The following F5 variants were observed in gnomAD, a reference collection of about 807,000 sequenced individuals.
F5 encodes activated protein c cofactor.
F5 carries 138 observed loss-of-function variants against 216.4 expected under a neutral mutation model. The observed-to-expected ratio is 0.64, with a 90% confidence interval of 0.56 to 0.73. The LOEUF is 0.73. Ranked by LOEUF, F5 falls within the 30% of genes least tolerant of loss-of-function variation. The pLI, the probability that F5 is intolerant of heterozygous loss-of-function variation, is 0.00. For missense variants in F5, 2,403 were observed against 2,674.0 expected, an observed-to-expected ratio of 0.90 and a Z score of 2.24; for synonymous variants, 916 against 930.7, an observed-to-expected ratio of 0.98 and a Z score of 0.29.
Position 169,550,647 on chromosome 1 carries a change from G to A in F5, c.1389C>T (p.Phe463=). The A allele has an allele frequency of 1.2e-6, 2 of 1,612,404 alleles. No individual in the cohort carries two copies. The highest frequency in any genetic ancestry group is 8.5e-7 in the Non-Finnish European group (1 of 1,178,454). ...SPYEDEVNSS[F]TSGRNNTMIR... ...GAAGTGAAAGATTCAAACCTGAGGT[G>A]AAAGAAGAGTTGACTTCATCTTCAT... Residue 463 remains phenylalanine, a synonymous_variant, in exon 9 of 25, where the codon TTC becomes TTT. Coordinates refer to ENST00000367797, the MANE Select transcript of F5 (RefSeq NM_000130.5).
At chr1:169,521,118 C>T (rs1424584642) in intron 21 of F5, among the ~76,000 whole-genome samples, 6 of 152,128 alleles carry the variant, frequency 3.9e-5, no homozygotes, top group Non-Finnish European at 7.4e-5. Flanking sequence ...GGCAGCATAG[C>T]GAGATATGAT....
At chr1:169,573,939 C>T (rs934360225) in intron 2 of F5, among the ~76,000 whole-genome samples, 1 of 152,066 alleles carries the variant, frequency 6.6e-6, no homozygotes, top group African/African-American at 2.4e-5. Flanking sequence ...CATGGTTACA[C>T]ATCCATGGAG....
intron 3 of F5, among the ~76,000 whole-genome samples, chr1:169,562,867 T>C (rs1660513541): frequency 6.6e-6 from 1 of 151,998 alleles, no homozygotes; most frequent in Non-Finnish European, 1.5e-5. Flanking sequence ...TTTTAATAGA[T>C]TAAAACGAGG....
At chr1:169,530,638 T>C in intron 15 of F5, 148 bp downstream of exon 15, 3 of 743,286 alleles carry the variant, frequency 4.0e-6, no homozygotes, top group Non-Finnish European at 7.2e-6. Flanking sequence ...CTGGTTATGA[T>C]AAATGCAGAC....
At chr1:169,546,628 CAG>C in intron 10 of F5, 36 bp from the exon 11 acceptor site, 1 of 1,587,674 alleles carries the variant, frequency 6.3e-7, no homozygotes, top group African/African-American at 1.3e-5. Context: ...GGTACAAGAA[CAG>C]ACGCATAGAC....
chr1:169,582,418 A>C lies in F5; in HGVS notation c.250+13T>G. On this transcript the variant is annotated intron_variant, in intron 2 of 24. Coordinates refer to ENST00000367797, the MANE Select transcript of F5 (RefSeq NM_000130.5). ...TTTATCTTTAAAATTAAAAAAGTAT[A>C]TTTCAGGCTTACCTGAAATGGTAGA... 7.1e-7 allele frequency: 1 copy of C among 1,414,640 alleles called. No homozygotes were observed. Among genetic ancestry groups the C allele is most frequent in the South Asian group, 1.2e-5 (1 of 82,158 alleles). 87.6% of individuals were successfully genotyped at this position (1,414,640 alleles called of 1,614,324 possible).
At position 169,524,584 on chromosome 1, in the gene F5, A is replaced by T. The variant is rs142282880; in HGVS notation, c.5788+253T>A. On this transcript the variant is annotated intron_variant, in intron 19 of 24. Coordinates refer to ENST00000367797, the MANE Select transcript of F5 (RefSeq NM_000130.5). ...CAGCTATCGGTTTTTCCTGGAAAAG[A>T]CTCTTTGGGATCATTATACACCAGA... Among the ~76,000 whole-genome samples, 203 of 152,096 alleles carry T rather than the reference A, an allele frequency of 1.3e-3. No homozygotes were observed. In the Middle Eastern group the frequency reaches 0.014, roughly 10 times the overall value.
intron 21 of F5, among the ~76,000 whole-genome samples, chr1:169,521,994 CA>C (rs1659321564): frequency 6.6e-6 from 1 of 151,924 alleles, no homozygotes; most frequent in Non-Finnish European, 1.5e-5. Flanking sequence ...ATGACAATAT[CA>C]GAGATGAAAC....
In F5 at chr1:169,541,763, A is replaced by G. The variant is rs945327359; in HGVS notation, c.3327T>C (p.Gly1109=). The G allele has an allele frequency of 6.2e-7, 1 of 1,614,048 alleles. No individual in the cohort carries two copies. Among genetic ancestry groups the G allele is most frequent in the South Asian group, 1.1e-5 (1 of 91,084 alleles). ...DHNQNSSNDT[G]QASCPPGLYQ... ...AAAGACCTGGAGGACAGCTTGCCTGACCAGTGTCATTTGAGGAATTCTGAT... is the reference window on the plus strand; with the variant it reads ...AAAGACCTGGAGGACAGCTTGCCTGGCCAGTGTCATTTGAGGAATTCTGAT... The change falls in exon 13 of 25, where the codon GGT becomes GGC. Residue 1109 remains glycine, a synonymous_variant. Coordinates refer to ENST00000367797, the MANE Select transcript of F5 (RefSeq NM_000130.5).
In F5 at chr1:169,513,482, C is replaced by CTT. The variant is rs563251782; in HGVS notation, c.*829_*830dup. Among the ~76,000 whole-genome samples, 1 of 152,128 alleles carries CTT rather than the reference C, an allele frequency of 6.6e-6. No homozygotes were observed. Among genetic ancestry groups the CTT allele is most frequent in the East Asian group, 1.9e-4 (1 of 5,184 alleles). ...TAGAGAGGAAGGCCCTGAAAGAAAA[C>CTT]TTTAACTGCTTGCCAGTTTGGCCAG... On this transcript the variant is annotated 3_prime_UTR_variant, in exon 25 of 25. Coordinates refer to ENST00000367797, the MANE Select transcript of F5 (RefSeq NM_000130.5).
chr1:169,523,480 C>T (rs1659358552), intron 20 of F5, 128 bp from the exon 21 acceptor site: 1 of 1,065,056 alleles, frequency 9.4e-7, no homozygotes, highest in South Asian at 1.4e-5. Flanking sequence ...CAAACTGATA[C>T]AATGACTACA....
chr1:169,548,481 A>T (rs1317078683), intron 10 of F5, among the ~76,000 whole-genome samples: 2 of 152,244 alleles, frequency 1.3e-5, no homozygotes, highest in East Asian at 3.8e-4. Context: ...TAATTCAGGC[A>T]TTTATGAGAG....
intron 20 of F5, among the ~76,000 whole-genome samples, chr1:169,523,566 G>A (rs1659360736): frequency 6.6e-6 from 1 of 152,048 alleles, no homozygotes; most frequent in East Asian, 1.9e-4. Flanking sequence ...TGTTACTTTG[G>A]GAAGGTAGGT....
intron 3 of F5, among the ~76,000 whole-genome samples, chr1:169,569,346 T>C (rs936081977): frequency 6.6e-6 from 1 of 152,124 alleles, no homozygotes; most frequent in East Asian, 1.9e-4. Context: ...CAGATGGCTA[T>C]ATATTATAGA....
At chr1:169,526,817 TTGAC>T (rs1178199163) in intron 17 of F5, among the ~76,000 whole-genome samples, 1 of 151,954 alleles carries the variant, frequency 6.6e-6, no homozygotes, top group Non-Finnish European at 1.5e-5. Flanking sequence ...ATGAGTAAAT[TTGAC>T]TGAATCTCTT....
At chr1:169,584,992 A>G (rs1205136224) in intron 1 of F5, among the ~76,000 whole-genome samples, 1 of 152,192 alleles carries the variant, frequency 6.6e-6, no homozygotes, top group Non-Finnish European at 1.5e-5. Flanking sequence ...AGACAAGAGA[A>G]AAAACTCCCA....
chr1:169,542,520 A>C lies in F5; in HGVS notation c.2570T>G (p.Phe857Cys), dbSNP rs1421414179. 1.2e-6 allele frequency: 2 copies of C among 1,614,024 alleles called. No homozygotes were observed. The highest frequency in any genetic ancestry group is 1.7e-6 in the Non-Finnish European group (2 of 1,179,966). The part of the protein sequence containing the change: ...IRLLSLGAGE[F>C]KSQEHAKHKG... Reference sequence around the variant, plus strand: ...ATGCTTAGCATGTTCTTGACTTTTGAATTCTCCAGCACCAAGTGAAAGTAG... The same window carrying C: ...ATGCTTAGCATGTTCTTGACTTTTGCATTCTCCAGCACCAAGTGAAAGTAG... The change falls in exon 13 of 25, where the codon TTC becomes TGC. Residue 857 changes from phenylalanine (F) to cysteine (C), a missense_variant. By Grantham distance (205) the Phe-to-Cys change is radical (BLOSUM62 -2). Around this residue, in one of 4 missense-constraint regions of F5, gnomAD observed 1,425 missense variants for 1,554.8 expected, o/e 0.92. Transcript: ENST00000367797.
intron 9 of F5, 52 bp downstream of exon 9, chr1:169,550,588 G>A (rs1660144762): frequency 1.4e-6 from 2 of 1,385,464 alleles, no homozygotes; most frequent in African/African-American, 2.8e-5. Context: ...GAAAAATGTG[G>A]CAGCCTCTCA....
rs1212768065 is a variant in F5 at position 169,512,875 on chromosome 1, T to G, written c.*1438A>C. Among the ~76,000 whole-genome samples, 2 of 152,092 alleles carry G rather than the reference T, an allele frequency of 1.3e-5. No homozygotes were observed. Among genetic ancestry groups the G allele is most frequent in the East Asian group, 3.9e-4 (2 of 5,182 alleles). ...GTCCTTATGCAGTTCCCTTCTACAC[T>G]GAATCGAGACTGGCCTGTAATTTGT... On this transcript the variant is annotated 3_prime_UTR_variant, in exon 25 of 25. Transcript: ENST00000367797.
Sources: gnomAD v4.1 joint callset for allele counts (sites outside exome capture counted in the v4.1 genomes callset) on GRCh38, gnomAD v4.1.1 for gene constraint, gnomAD v4.1.1 regional missense constraint, MANE v1.5 for transcripts, NCBI Gene and HGNC (gene_info 2026-07-23, HGNC 2026-07-21) for gene names.